RNF180: variants seen among roughly 807,000 people sequenced by gnomAD.
RNF180 encodes ring finger protein 180.
In RNF180, 38 loss-of-function variants were observed where a neutral mutation model predicts 59.2. That is an observed-to-expected ratio of 0.64 (90% confidence interval 0.50 to 0.84). The LOEUF is 0.84. Ranked by LOEUF, RNF180 falls within the 40% of genes least tolerant of loss-of-function variation. RNF180 has a pLI of 0.00. For missense variants in RNF180, 705 were observed against 700.9 expected, an observed-to-expected ratio of 1.01 and a Z score of -0.07; for synonymous variants, 262 against 240.3, an observed-to-expected ratio of 1.09 and a Z score of -0.84.
At chr5:64,319,624 C>T (rs1744241602) in intron 5 of RNF180, among the ~76,000 whole-genome samples, 2 of 152,184 alleles carry the variant, frequency 1.3e-5, no homozygotes, top group South Asian at 4.1e-4. Flanking sequence ...AGCTTTCCTA[C>T]TCCCATTGGG....
intron 7 of RNF180, among the ~76,000 whole-genome samples, chr5:64,346,609 A>T (rs1745571672): frequency 6.6e-6 from 1 of 151,580 alleles, no homozygotes; most frequent in African/African-American, 2.4e-5. Context: ...ACCTCAAGTG[A>T]TCCACCCGCC....
At chr5:64,209,178 G>A (rs1176603591) in intron 2 of RNF180, among the ~76,000 whole-genome samples, 1 of 151,944 alleles carries the variant, frequency 6.6e-6, no homozygotes, top group Non-Finnish European at 1.5e-5. Flanking sequence ...CGGTGCCTGT[G>A]CATAGTGAGC....
intron 5 of RNF180, among the ~76,000 whole-genome samples, chr5:64,277,133 A>G (rs1580165364): frequency 6.6e-6 from 1 of 151,044 alleles, no homozygotes; most frequent in East Asian, 2.0e-4. Flanking sequence ...CGAGCTTTTA[A>G]GGTTAAATGA....
At chr5:64,322,627 GTGTGTGTGTGTA>G (rs1268279576) in intron 5 of RNF180, among the ~76,000 whole-genome samples, 2 of 147,406 alleles carry the variant, frequency 1.4e-5, no homozygotes, top group African/African-American at 5.3e-5. Flanking sequence ...GTGTGTGTGT[GTGTGTGTGTGTA>G]TAACGGAATA....
At chr5:64,277,777 G>A (rs1191779540) in intron 5 of RNF180, among the ~76,000 whole-genome samples, 2 of 152,156 alleles carry the variant, frequency 1.3e-5, no homozygotes, top group Non-Finnish European at 2.9e-5. Flanking sequence ...AAAAGGAATA[G>A]TGTCAGCTCC....
At chr5:64,244,273 G>T (rs778256779) in intron 5 of RNF180, among the ~76,000 whole-genome samples, 1 of 152,194 alleles carries the variant, frequency 6.6e-6, no homozygotes, top group Non-Finnish European at 1.5e-5. Context: ...GCTTCAGAAG[G>T]TGGGTAATAA....
At chr5:64,216,430 T>A (rs1243258178) in intron 4 of RNF180, among the ~76,000 whole-genome samples, 1 of 152,178 alleles carries the variant, frequency 6.6e-6, no homozygotes, top group Non-Finnish European at 1.5e-5. Context: ...GAGTAATGAC[T>A]TCAGTACAGA....
chr5:64,218,176 G>A (rs1281432020), intron 5 of RNF180, among the ~76,000 whole-genome samples: 1 of 152,004 alleles, frequency 6.6e-6, no homozygotes, highest in African/African-American at 2.4e-5. Context: ...TTTTGGTGTT[G>A]TATCTAAGAA....
At chr5:64,324,522 A>G (rs1422109415) in intron 5 of RNF180, among the ~76,000 whole-genome samples, 2 of 152,222 alleles carry the variant, frequency 1.3e-5, no homozygotes, top group African/African-American at 2.4e-5. Flanking sequence ...TAACAAGACA[A>G]TGTTGAATGA....
In RNF180 at chr5:64,338,677, G is replaced by A. The variant is rs977210998; in HGVS notation, c.1579+8271G>A. On this transcript the variant is annotated intron_variant, in intron 7 of 7. Transcript: ENST00000389100. ...TAATGCTTTTAATATTTACAAATAG[G>A]TATAATTGTTGCTCTGTATTCTTGG... 1.2e-4 allele frequency among the ~76,000 whole-genome samples: 18 copies of A among 151,862 alleles called. 1 individual carries two copies. Among genetic ancestry groups the A allele is most frequent in the Admixed American group, 1.2e-3 (18 of 15,232 alleles).
chr5:64,251,358 A>G (rs1478561902), intron 5 of RNF180, among the ~76,000 whole-genome samples: 1 of 152,238 alleles, frequency 6.6e-6, no homozygotes, highest in Non-Finnish European at 1.5e-5. Context: ...ATTAGGCAAG[A>G]AAAAGAAATG....
At chr5:64,275,944 C>G (rs1053704931) in intron 5 of RNF180, among the ~76,000 whole-genome samples, 9 of 152,082 alleles carry the variant, frequency 5.9e-5, no homozygotes, top group Admixed American at 5.9e-4. Context: ...AGTGAGCTTC[C>G]CTGCTGACAA....
At chr5:64,218,463 G>C (rs1437375196) in intron 5 of RNF180, among the ~76,000 whole-genome samples, 3 of 152,062 alleles carry the variant, frequency 2.0e-5, no homozygotes, top group Non-Finnish European at 4.4e-5. Flanking sequence ...ACTCTGTTCT[G>C]TACAGTTCAT....
intron 5 of RNF180, among the ~76,000 whole-genome samples, chr5:64,288,816 T>C (rs948755577): frequency 2.0e-5 from 3 of 152,202 alleles, no homozygotes; most frequent in Non-Finnish European, 2.9e-5. Context: ...TTTCTAGATA[T>C]AGGATCATGT....
chr5:64,320,651 A>G (rs984903575), intron 5 of RNF180, among the ~76,000 whole-genome samples: 23 of 152,336 alleles, frequency 1.5e-4, no homozygotes, highest in Middle Eastern at 3.4e-3. Flanking sequence ...TAAAGCAAAT[A>G]TTGTCAGACT....
chr5:64,257,152 G>A (rs902580695), intron 5 of RNF180, among the ~76,000 whole-genome samples: 19 of 152,114 alleles, frequency 1.2e-4, no homozygotes, highest in African/African-American at 4.3e-4. Context: ...CTGCAAACAG[G>A]AACAATTTGA....
chr5:64,340,859 TCAC>T (rs1010292837), intron 7 of RNF180, among the ~76,000 whole-genome samples: 21 of 152,268 alleles, frequency 1.4e-4, no homozygotes, highest in African/African-American at 3.6e-4. Flanking sequence ...TGTTCAACTA[TCAC>T]CACTTCATAA....
At chr5:64,172,701 CA>C (rs1393499729) in intron 1 of RNF180, among the ~76,000 whole-genome samples, 1 of 152,186 alleles carries the variant, frequency 6.6e-6, no homozygotes, top group Non-Finnish European at 1.5e-5. Context: ...GATGCCTCCT[CA>C]GTGCACGAAC....
At chr5:64,247,683 CA>C (rs760784622) in intron 5 of RNF180, among the ~76,000 whole-genome samples, 3 of 152,180 alleles carry the variant, frequency 2.0e-5, no homozygotes, top group Non-Finnish European at 2.9e-5. Flanking sequence ...GACCATAGTG[CA>C]CAAAGTAATT....
Sources: gnomAD v4.1 joint callset for allele counts (sites outside exome capture counted in the v4.1 genomes callset) on GRCh38, gnomAD v4.1.1 for gene constraint, MANE v1.5 for transcripts, NCBI Gene and HGNC (gene_info 2026-07-23, HGNC 2026-07-21) for gene names.